Variants in MPPED1 observed in about 807,000 individuals in gnomAD.
MPPED1 encodes the protein metallophosphoesterase domain containing 1, also known as metallophosphoesterase domain-containing protein 1.
Under a neutral mutation model 36.2 loss-of-function variants are expected in MPPED1, and 16 were observed. The observed-to-expected ratio is 0.44, with a 90% CI of 0.30 to 0.67. MPPED1 has a LOEUF of 0.67. Among genes scored for constraint, MPPED1 ranks in the 30% least tolerant of loss-of-function variants. MPPED1 has a pLI of 0.10. For missense variants in MPPED1, 307 were observed against 453.4 expected (o/e 0.68, Z 2.93); for synonymous variants, 199 against 191.3 (o/e 1.04, Z -0.33).
intron 3 of MPPED1, among the ~76,000 whole-genome samples, chr22:43,447,883 A>ATATAT (rs1321289636): frequency 0.019 from 1,302 of 67,684 alleles, 38 homozygotes; most frequent in East Asian, 0.047. Flanking sequence ...ATATATATAT[A>ATATAT]TTTTTTTTTT....
In MPPED1 at chr22:43,500,201, A is replaced by ATGGTG. The variant is rs1166222062; in HGVS notation, c.748+1851_748+1852insTGGTG. 2.0e-3 allele frequency among the ~76,000 whole-genome samples: 18 copies of ATGGTG among 8,892 alleles called. 1 individual carries two copies. Among genetic ancestry groups the ATGGTG allele is most frequent in the African/African-American group, 4.0e-3 (4 of 1,002 alleles). The allele number at this position is 8,892 out of a possible 152,430, so 5.8% of individuals were successfully genotyped here. On this transcript the variant is annotated intron_variant, in intron 5 of 6. Transcript: ENST00000443721. ...TGGTGGTGATGGTGATGGAGGTGGT[A>ATGGTG]ATGGAGGTGGTGGGGGTGATGGTGG...
Position 43,506,834 on chromosome 22 carries a change from C to T in MPPED1, c.*1218C>T, listed in dbSNP as rs1301607315. 1 of 152,048 alleles carries T rather than the reference C, an allele frequency of 6.6e-6. No individual in the cohort carries two copies. Among genetic ancestry groups the T allele is most frequent in the Non-Finnish European group, 1.5e-5 (1 of 68,012 alleles). The allele number at this position is 152,048 out of a possible 1,614,324, so 9.4% of individuals were successfully genotyped here. ...GGGCAAGTTCAGGGTCAGATTCTGTCGTTATTTAATATTTTGTTCATCATG... is the reference window on the plus strand; with the variant it reads ...GGGCAAGTTCAGGGTCAGATTCTGTTGTTATTTAATATTTTGTTCATCATG... On this transcript the variant is annotated 3_prime_UTR_variant, in exon 7 of 7. Coordinates refer to ENST00000443721, the MANE Select transcript of MPPED1 (RefSeq NM_001044370.2).
intron 1 of MPPED1, among the ~76,000 whole-genome samples, chr22:43,421,378 C>T (rs998468312): frequency 3.9e-5 from 6 of 152,262 alleles, no homozygotes; most frequent in East Asian, 1.9e-4. Context: ...CATTTCAGCG[C>T]GGAGCGCCTC....
chr22:43,419,792 C>T (rs568113630), intron 1 of MPPED1, among the ~76,000 whole-genome samples: 1 of 152,238 alleles, frequency 6.6e-6, no homozygotes, highest in African/African-American at 2.4e-5. Context: ...AGTCGGACCT[C>T]TTTCCTAGAC....
At chr22:43,470,007 A>ACCAT (rs1220607780) in intron 3 of MPPED1, among the ~76,000 whole-genome samples, 1 of 151,642 alleles carries the variant, frequency 6.6e-6, no homozygotes, top group East Asian at 2.0e-4. Context: ...CCATCTATAA[A>ACCAT]CCATCCATCC....
rs200099326 is a variant in MPPED1, at chr22:43,474,930, G to A, written c.601G>A (p.Val201Met). 3.8e-5 allele frequency: 62 copies of A among 1,613,982 alleles called. No homozygotes were observed. Among genetic ancestry groups the A allele is most frequent in the Admixed American group, 1.5e-4 (9 of 60,028 alleles). ...CIYLQDSEVT[V>M]RGFRIYGSPW... ...CTACCTTCAGGACTCGGAGGTCACCGTGCGGGGCTTCCGGATCTATGGCTC... is the reference window on the plus strand; with the variant it reads ...CTACCTTCAGGACTCGGAGGTCACCATGCGGGGCTTCCGGATCTATGGCTC... Residue 201 changes from valine (V) to methionine (M), a missense_variant, in exon 4 of 7, where the codon GTG becomes ATG. Around this residue, in one of 3 missense-constraint regions of MPPED1, gnomAD observed 132 missense variants for 212.3 expected, o/e 0.62. Transcript: ENST00000443721. The surrounding 1 kb of genome is among the most constrained non-coding windows in gnomAD (Gnocchi z 5.2).
rs557169504 is a variant in MPPED1 at position 43,434,290 on chromosome 22, G to A, written c.225-744G>A. Among the ~76,000 whole-genome samples, 3 of 152,336 alleles carry A rather than the reference G, an allele frequency of 2.0e-5. No homozygotes were observed. The East Asian group carries it at 5.8e-4, about 29-fold the overall frequency. On this transcript the variant is annotated intron_variant, in intron 2 of 6. Coordinates refer to ENST00000443721, the MANE Select transcript of MPPED1 (RefSeq NM_001044370.2). Reference sequence around the variant, plus strand: ...CTGACACAGCCCTGGAAGGCCCTTGGTCTAGAAATGATCACACTGTCTTAC... The same window carrying A: ...CTGACACAGCCCTGGAAGGCCCTTGATCTAGAAATGATCACACTGTCTTAC...
chr22:43,502,844 G>A lies in MPPED1; in HGVS notation c.862+87G>A, dbSNP rs1274449278. On this transcript the variant is annotated intron_variant, in intron 6 of 6. Coordinates refer to ENST00000443721, the MANE Select transcript of MPPED1 (RefSeq NM_001044370.2). This position sits in a 1 kb window ranked among gnomAD's most constrained non-coding sequence, Gnocchi z 5.5. ...GGACCTCCCCTTCGTTCAGCCAGAA[G>A]GGAAATAAATAGCCCATTCCTACTG... The A allele has an allele frequency of 4.3e-6, 5 of 1,161,810 alleles. No homozygotes were observed. The African/African-American group carries it at 4.5e-5, about 11-fold the overall frequency. 72.0% of individuals were successfully genotyped at this position (1,161,810 alleles called of 1,614,324 possible). A position where few individuals can be genotyped will look rare whatever the true frequency, so the allele number is the denominator to read the frequency against.
chr22:43,446,707 T>A (rs1251466628), intron 3 of MPPED1, among the ~76,000 whole-genome samples: 1 of 152,170 alleles, frequency 6.6e-6, no homozygotes, highest in Non-Finnish European at 1.5e-5. Context: ...CTTGGACACA[T>A]GAAGTATGAG....
intron 3 of MPPED1, among the ~76,000 whole-genome samples, chr22:43,450,029 G>A (rs1930508502): frequency 6.6e-6 from 1 of 152,204 alleles, no homozygotes; most frequent in Non-Finnish European, 1.5e-5. Context: ...ACACCAGCAG[G>A]TACCATGGGG....
At chr22:43,463,188 A>AT (rs1291200152) in intron 3 of MPPED1, among the ~76,000 whole-genome samples, 2 of 151,248 alleles carry the variant, frequency 1.3e-5, no homozygotes, top group East Asian at 1.9e-4. Context: ...TACTTCATTT[A>AT]TTTTTTCCAA....
chr22:43,452,419 G>C (rs986996226), intron 3 of MPPED1, among the ~76,000 whole-genome samples: 1 of 152,090 alleles, frequency 6.6e-6, no homozygotes, highest in East Asian at 1.9e-4. Flanking sequence ...TCTCCCCACT[G>C]CTGCTCCTCA....
In MPPED1 at chr22:43,445,880, A is replaced by ATTTTTTTTTTT. The variant is rs78165973; in HGVS notation, c.406+10669_406+10670insTTTTTTTTTTT. On this transcript the variant is annotated intron_variant, in intron 3 of 6. Transcript: ENST00000443721. ...CCACTGTGCCTAGCCTGGTGTTTAC[A>ATTTTTTTTTTT]TTTTCTTTTTTTTTTTTTTTGAGAC... Among the ~76,000 whole-genome samples the ATTTTTTTTTTT allele has an allele frequency of 2.4e-5, 3 of 125,840 alleles. 1 individual carries two copies. Among genetic ancestry groups the ATTTTTTTTTTT allele is most frequent in the African/African-American group, 1.1e-4 (3 of 27,442 alleles). 82.6% of individuals were successfully genotyped at this position (125,840 alleles called of 152,430 possible). A position where few individuals can be genotyped will look rare whatever the true frequency, so the allele number is the denominator to read the frequency against.
chr22:43,439,027 C>A (rs1320281590), intron 3 of MPPED1, among the ~76,000 whole-genome samples: 1 of 152,206 alleles, frequency 6.6e-6, no homozygotes, highest in Non-Finnish European at 1.5e-5. Flanking sequence ...TCCAGACAGA[C>A]AGGAAGAGAT....
Position 43,445,880 on chromosome 22 carries a change from ATTTTC to A in MPPED1, c.406+10670_406+10674del, listed in dbSNP as rs1186947583. ...CCACTGTGCCTAGCCTGGTGTTTAC[ATTTTC>A]TTTTTTTTTTTTTTTGAGACAGGGT... On this transcript the variant is annotated intron_variant, in intron 3 of 6. Transcript: ENST00000443721. 5.1e-4 allele frequency among the ~76,000 whole-genome samples: 64 copies of A among 125,818 alleles called. 1 individual carries two copies. The highest frequency in any genetic ancestry group is 3.9e-4 in the Admixed American group (5 of 12,680). The allele number at this position is 125,818 out of a possible 152,430, so 82.5% of individuals were successfully genotyped here. A position where few individuals can be genotyped will look rare whatever the true frequency, so the allele number is the denominator to read the frequency against.
At chr22:43,475,017 G>C (rs146220591) in intron 4 of MPPED1, 56 bp downstream of exon 4, 1 of 1,533,586 alleles carries the variant, frequency 6.5e-7, no homozygotes, top group African/African-American at 1.4e-5. Context: ...CTGAGGCTGA[G>C]CGCAGGGGGT....
intron 3 of MPPED1, among the ~76,000 whole-genome samples, chr22:43,443,115 G>A (rs1320881669): frequency 6.6e-6 from 1 of 152,178 alleles, no homozygotes; most frequent in African/African-American, 2.4e-5. Flanking sequence ...TAGGCTGGTG[G>A]TGACTGGAGT....
At chr22:43,489,955 C>T (rs914303261) in intron 4 of MPPED1, among the ~76,000 whole-genome samples, 4 of 152,220 alleles carry the variant, frequency 2.6e-5, no homozygotes, top group Non-Finnish European at 4.4e-5. Flanking sequence ...CTCCTTTCCT[C>T]CCCTGCGTCA....
At chr22:43,427,999 G>C (rs1290008938) in intron 2 of MPPED1, among the ~76,000 whole-genome samples, 1 of 152,160 alleles carries the variant, frequency 6.6e-6, no homozygotes, top group Non-Finnish European at 1.5e-5. Flanking sequence ...CGTAGAGAAG[G>C]CGCGGTGGGC....
Sources: allele counts gnomAD v4.1 joint callset (sites outside exome capture counted in the v4.1 genomes callset), GRCh38; gene constraint gnomAD v4.1.1; regional missense constraint gnomAD v4.1.1; non-coding constraint Gnocchi (gnomAD v3.1); transcripts MANE v1.5; gene names NCBI Gene and HGNC (gene_info 2026-07-23, HGNC 2026-07-21).